EZR: variants seen among roughly 807,000 people sequenced by gnomAD.
The protein encoded by EZR is cytovillin 2.
EZR carries 40 observed loss-of-function variants against 74.8 expected under a neutral mutation model. That is an observed-to-expected ratio of 0.53 (90% CI 0.42 to 0.70). EZR has a LOEUF of 0.70. Among genes scored for constraint, EZR ranks in the 30% least tolerant of loss-of-function variants. The pLI is 0.00. For synonymous variants in EZR, 341 were observed against 283.3 expected (o/e 1.20, Z -2.05); for missense variants, 678 against 755.8 (o/e 0.90, Z 1.21).
intron 2 of EZR, among the ~76,000 whole-genome samples, chr6:158,817,079 C>T (rs1184343035): frequency 2.0e-5 from 3 of 151,966 alleles, no homozygotes; most frequent in South Asian, 2.1e-4. Context: ...AGAGAGACTC[C>T]GCTCCCCCAT....
At chr6:158,783,347 G>C (rs1480445697) in intron 7 of EZR, among the ~76,000 whole-genome samples, 173 bp downstream of exon 7, 1 of 141,788 alleles carries the variant, frequency 7.1e-6, no homozygotes, top group Non-Finnish European at 1.6e-5. Flanking sequence ...CACACCTCTG[G>C]ACCACCCTTT....
rs373747956 is a variant in EZR at position 158,769,313 on chromosome 6, C to T, written c.1344+13G>A. The T allele has an allele frequency of 1.7e-5, 27 of 1,606,928 alleles. No individual in the cohort carries two copies. Among genetic ancestry groups the T allele is most frequent in the East Asian group, 4.5e-5 (2 of 44,896 alleles). On this transcript the variant is annotated intron_variant, in intron 12 of 13. Transcript: ENST00000367075. ...GCTGTGGCCGTGCGGAGGTGTCCCC[C>T]GTGCAGACTCACCCTGTGCTGCCAC...
At chr6:158,793,008 A>G (rs891115007) in intron 2 of EZR, among the ~76,000 whole-genome samples, 4 of 151,790 alleles carry the variant, frequency 2.6e-5, no homozygotes, top group African/African-American at 9.7e-5. Context: ...ACGCAACCTC[A>G]AACAATTATT....
chr6:158,785,634 A>C, intron 4 of EZR, 51 bp from the exon 5 acceptor site: 1 of 1,598,018 alleles, frequency 6.3e-7, no homozygotes, highest in Non-Finnish European at 8.6e-7. Flanking sequence ...ACGAAGGCCC[A>C]CTGTCCCCAA....
At position 158,767,273 on chromosome 6, in the gene EZR, C is replaced by G. The variant is rs772381518; in HGVS notation, c.1584G>C (p.Gln528His). The change falls in exon 13 of 14, where the codon CAG becomes CAC. Residue 528 changes from glutamine to histidine, a missense_variant. By Grantham distance (24) the Gln-to-His change is conservative. Coordinates refer to ENST00000367075, the MANE Select transcript of EZR (RefSeq NM_001111077.2). ...ITEAEKNERVQRQLLTLSSEL... is the reference protein window; with the variant it reads ...ITEAEKNERVHRQLLTLSSEL... ...CCTTGGGCCTCACCAGCAGCTGCCG[C>G]TGCACACGCTCGTTCTTCTCTGCCT... 6.2e-7 allele frequency: 1 copy of G among 1,612,948 alleles called. No individual in the cohort carries two copies. Among genetic ancestry groups the G allele is most frequent in the South Asian group, 1.1e-5 (1 of 90,976 alleles).
chr6:158,774,670 CAA>C (rs1288848859), intron 8 of EZR, among the ~76,000 whole-genome samples: 33 of 67,420 alleles, frequency 4.9e-4, no homozygotes, highest in African/African-American at 2.1e-3. Context: ...GACTTATCAT[CAA>C]ACACACACAC....
intron 7 of EZR, among the ~76,000 whole-genome samples, chr6:158,782,186 A>G (rs1791450455): frequency 6.6e-6 from 1 of 152,172 alleles, no homozygotes; most frequent in East Asian, 1.9e-4. Context: ...CTCCCTGTGC[A>G]GTATCACCAC....
chr6:158,789,629 CTT>C (rs869148823), intron 2 of EZR: 41 of 547,320 alleles, frequency 7.5e-5, no homozygotes, highest in Admixed American at 6.6e-4. Context: ...CAGTTTTTCT[CTT>C]TTCTTTGAGA....
intron 2 of EZR, among the ~76,000 whole-genome samples, chr6:158,807,372 A>C (rs1201665709): frequency 6.6e-6 from 1 of 152,004 alleles, no homozygotes; most frequent in African/African-American, 2.4e-5. Context: ...GACATATTTT[A>C]TAAGAAATTT....
intron 2 of EZR, among the ~76,000 whole-genome samples, chr6:158,814,773 C>T (rs539914194): frequency 1.3e-5 from 2 of 152,186 alleles, no homozygotes; most frequent in South Asian, 4.2e-4. Flanking sequence ...GATCTCTTGA[C>T]CTTGTGATCC....
intron 3 of EZR, 92 bp downstream of exon 3, chr6:158,789,196 C>T (rs747022897): frequency 6.5e-5 from 58 of 887,862 alleles, no homozygotes; most frequent in Non-Finnish European, 9.5e-5. Context: ...GTGAGTAAAA[C>T]AAGGTAATAT....
chr6:158,794,211 G>A lies in EZR; in HGVS notation c.13-4840C>T, dbSNP rs532426924. ...CAGGAGAATTGCTTGAACCTGGGAG[G>A]CGGAGCTTGCAGTGAGCAAGATCGC... On this transcript the variant is annotated intron_variant, in intron 2 of 13. Coordinates refer to ENST00000367075, the MANE Select transcript of EZR (RefSeq NM_001111077.2). 4.2e-4 allele frequency among the ~76,000 whole-genome samples: 64 copies of A among 152,312 alleles called. 1 individual carries two copies. In the East Asian group the frequency reaches 0.011, roughly 27 times the overall value.
At chr6:158,770,073 TGAC>T in intron 10 of EZR, 129 bp from the exon 11 acceptor site, 3 of 1,252,412 alleles carry the variant, frequency 2.4e-6, no homozygotes, top group Non-Finnish European at 3.3e-6. Context: ...TGTCTTCCAG[TGAC>T]CCTGGAGGAA....
chr6:158,773,037 G>C (rs1791166315), intron 8 of EZR, among the ~76,000 whole-genome samples: 1 of 152,166 alleles, frequency 6.6e-6, no homozygotes, highest in Non-Finnish European at 1.5e-5. Context: ...GGAGGAGTCT[G>C]TGGAGCTGGG....
chr6:158,799,774 G>A (rs1777152336), intron 2 of EZR, among the ~76,000 whole-genome samples: 1 of 152,370 alleles, frequency 6.6e-6, no homozygotes, highest in African/African-American at 2.4e-5. Flanking sequence ...AAGCAGAAAA[G>A]CCCGAGAGGC....
At chr6:158,771,478 C>G in intron 8 of EZR, 71 bp from the exon 9 acceptor site, 1 of 1,491,066 alleles carries the variant, frequency 6.7e-7, no homozygotes, top group South Asian at 1.4e-5. Flanking sequence ...CCATCCTTCA[C>G]AAAGGTCCAG....
At chr6:158,770,625 T>C (rs2128565834) in intron 10 of EZR, 139 bp downstream of exon 10, 1 of 942,300 alleles carries the variant, frequency 1.1e-6, no homozygotes, top group Non-Finnish European at 1.6e-6. Flanking sequence ...AAATAACCAT[T>C]TTATCATTTC....
At chr6:158,790,643 C>T (rs1366179803) in intron 2 of EZR, among the ~76,000 whole-genome samples, 3 of 152,156 alleles carry the variant, frequency 2.0e-5, no homozygotes, top group African/African-American at 7.2e-5. Context: ...CACTGCATTC[C>T]AGCCTCGGCT....
At chr6:158,806,995 GA>G (rs1777354283) in intron 2 of EZR, among the ~76,000 whole-genome samples, 1 of 152,146 alleles carries the variant, frequency 6.6e-6, no homozygotes, top group South Asian at 2.1e-4. Flanking sequence ...TTAACCAAGT[GA>G]CCTGTGGTTC....
Sources: gnomAD v4.1 joint callset for allele counts (sites outside exome capture counted in the v4.1 genomes callset) on GRCh38, gnomAD v4.1.1 for gene constraint, MANE v1.5 for transcripts, NCBI Gene and HGNC (gene_info 2026-07-23, HGNC 2026-07-21) for gene names.